Variants in ABL1 observed in about 807,000 individuals in gnomAD.
ABL1 encodes ABL proto-oncogene 1, non-receptor tyrosine kinase, also known as tyrosine-protein kinase ABL1.
Under a neutral mutation model 94.7 loss-of-function variants are expected in ABL1, and 11 were observed. The ratio of observed to expected loss-of-function variants is 0.12; its 90% CI spans 0.07 to 0.19. The LOEUF is 0.19. ABL1 is among the 10% of genes least tolerant of loss of function. ABL1 has a pLI of 1.00. For missense variants in ABL1, 1,082 were observed against 1,489.4 expected (o/e 0.73, Z 4.50); for synonymous variants, 656 against 622.4 (o/e 1.05, Z -0.80).
chr9:130,721,282 G>A (rs1831510671), intron 1 of ABL1, among the ~76,000 whole-genome samples: 1 of 151,694 alleles, frequency 6.6e-6, no homozygotes, highest in Admixed American at 6.6e-5. Context: ...GGAGGCTGAG[G>A]CAGAGGGATC....
intron 1 of ABL1, among the ~76,000 whole-genome samples, chr9:130,826,593 G>A (rs1034049008): frequency 6.6e-6 from 1 of 152,154 alleles, no homozygotes; most frequent in Non-Finnish European, 1.5e-5. Flanking sequence ...TTGCCTGTAA[G>A]AATCTGCGGA....
rs1588222197 is a variant in ABL1 at position 130,750,231 on chromosome 9, A to ATATCTATATC, written c.136+35779_136+35780insCTATATCTAT. ...TATATATATATATATATATATATATATATATCCAAGTATAAGTATATACTT... is the reference window on the plus strand; with the variant it reads ...TATATATATATATATATATATATATATATCTATATCTATATCCAAGTATAAGTATATACTT... On this transcript the variant is annotated intron_variant, in intron 1 of 10. Transcript: ENST00000372348. Among the ~76,000 whole-genome samples the ATATCTATATC allele has an allele frequency of 3.0e-5, 4 of 133,626 alleles. No homozygotes were observed. The East Asian group carries it at 8.4e-4, about 28-fold the overall frequency. 87.7% of individuals were successfully genotyped at this position (133,626 alleles called of 152,430 possible). A position where few individuals can be genotyped will look rare whatever the true frequency, so the allele number is the denominator to read the frequency against.
At chr9:130,824,324 C>T (rs1830399475) in intron 1 of ABL1, among the ~76,000 whole-genome samples, 1 of 152,144 alleles carries the variant, frequency 6.6e-6, no homozygotes, top group Admixed American at 6.5e-5. Flanking sequence ...CTCAAGCAGG[C>T]AGAGGGAGGG....
Position 130,884,882 on chromosome 9 carries a change from C to T in ABL1, c.2592C>T (p.Gly864=). Residue 864 remains glycine, a synonymous_variant, in exon 11 of 11, where the codon GGC becomes GGT. Transcript: ENST00000318560. This position sits in a 1 kb window ranked among gnomAD's most constrained non-coding sequence, Gnocchi z 5.6. ...TSKAGSGAPG[G]TSKGPAEESR... Reference sequence around the variant, plus strand: ...AAGCAGGCTCAGGTGCACCAGGGGGCACCAGCAAGGGCCCCGCCGAGGAGT... The same window carrying T: ...AAGCAGGCTCAGGTGCACCAGGGGGTACCAGCAAGGGCCCCGCCGAGGAGT... 1 of 1,608,332 alleles carries T rather than the reference C, an allele frequency of 6.2e-7. No individual in the cohort carries two copies. Among genetic ancestry groups the T allele is most frequent in the African/African-American group, 1.3e-5 (1 of 74,936 alleles).
intron 7 of ABL1, among the ~76,000 whole-genome samples, 188 bp from the exon 8 acceptor site, chr9:130,878,227 A>C (rs1294699587): frequency 6.6e-6 from 1 of 152,192 alleles, no homozygotes; most frequent in Non-Finnish European, 1.5e-5. Flanking sequence ...CTGGGATTAC[A>C]GGCGTGAGCC....
intron 1 of ABL1, among the ~76,000 whole-genome samples, chr9:130,837,342 G>A (rs1159690999): frequency 2.6e-5 from 4 of 152,214 alleles, no homozygotes; most frequent in African/African-American, 4.8e-5. Context: ...GCAGATGGGT[G>A]CCTAAGGCGG....
At chr9:130,753,181 C>G (rs796284520) in intron 1 of ABL1, among the ~76,000 whole-genome samples, 55 of 151,794 alleles carry the variant, frequency 3.6e-4, no homozygotes, top group African/African-American at 1.3e-3. Context: ...GGCGTGAACC[C>G]GGGAGGCAGA....
chr9:130,841,297 G>A (rs774302366), intron 1 of ABL1, among the ~76,000 whole-genome samples: 10 of 151,598 alleles, frequency 6.6e-5, no homozygotes, highest in Non-Finnish European at 1.3e-4. Flanking sequence ...ACAGGCGCCC[G>A]GGGGTTTCAC....
intron 1 of ABL1, among the ~76,000 whole-genome samples, chr9:130,791,650 T>C (rs1297817271): frequency 6.6e-6 from 1 of 152,140 alleles, no homozygotes; most frequent in Non-Finnish European, 1.5e-5. Context: ...CTCCTGCCCG[T>C]CCACATAAGA....
At chr9:130,741,637 A>G (rs1831820627) in intron 1 of ABL1, among the ~76,000 whole-genome samples, 1 of 151,248 alleles carries the variant, frequency 6.6e-6, no homozygotes, top group Non-Finnish European at 1.5e-5. Context: ...CAGTTACTGC[A>G]CTGATAATAC....
chr9:130,785,146 C>T (rs771267894), intron 1 of ABL1, among the ~76,000 whole-genome samples: 9 of 152,196 alleles, frequency 5.9e-5, no homozygotes, highest in Non-Finnish European at 1.0e-4. Flanking sequence ...TAGGCTTTGT[C>T]AACAGAGTGC....
intron 10 of ABL1, among the ~76,000 whole-genome samples, chr9:130,882,116 T>C (rs1041650051): frequency 2.6e-5 from 4 of 152,282 alleles, no homozygotes; most frequent in South Asian, 2.1e-4. Context: ...CCTCCTCTTA[T>C]CGGTTTTCCT....
intron 1 of ABL1, among the ~76,000 whole-genome samples, chr9:130,737,248 A>C (rs145038018): frequency 0.023 from 3,513 of 152,174 alleles, 152 homozygotes; most frequent in African/African-American, 0.078. Flanking sequence ...CAGTTTTAAA[A>C]TTTAAAAAAA....
chr9:130,754,353 A>C (rs914600488), intron 1 of ABL1, among the ~76,000 whole-genome samples: 2 of 150,940 alleles, frequency 1.3e-5, no homozygotes, highest in Admixed American at 1.3e-4. Context: ...CTAAAAATAC[A>C]AAAAATTAGC....
chr9:130,719,359 T>A (rs1258570995), intron 1 of ABL1, among the ~76,000 whole-genome samples: 1 of 152,056 alleles, frequency 6.6e-6, no homozygotes, highest in African/African-American at 2.4e-5. Context: ...TAAAACCCTG[T>A]CTCTACTAAA....
At chr9:130,792,594 G>T (rs949009473) in intron 1 of ABL1, among the ~76,000 whole-genome samples, 20 of 152,140 alleles carry the variant, frequency 1.3e-4, no homozygotes, top group Non-Finnish European at 2.6e-4. Context: ...TTGGGGGAGG[G>T]TATAAGAGGG....
rs376984702 is a variant in ABL1 at position 130,788,556 on chromosome 9, TA to T, written c.137-65506del. Among the ~76,000 whole-genome samples, 45 of 152,334 alleles carry T rather than the reference TA, an allele frequency of 3.0e-4. No homozygotes were observed. The East Asian group carries it at 5.0e-3, about 17-fold the overall frequency. ...ATTCCAATTTCCTCAATTCTCCCAG[TA>T]ATGTCCTTTCTAGCAATTACCCCCT... On this transcript the variant is annotated intron_variant, in intron 1 of 10. Transcript: ENST00000372348.
intron 1 of ABL1, among the ~76,000 whole-genome samples, chr9:130,764,439 T>C (rs377111817): frequency 2.6e-5 from 4 of 152,294 alleles, no homozygotes; most frequent in South Asian, 2.1e-4. Flanking sequence ...CCCGCTTCCA[T>C]TGGGGGACTG....
At chr9:130,798,163 A>G (rs1830005146) in intron 1 of ABL1, among the ~76,000 whole-genome samples, 1 of 152,206 alleles carries the variant, frequency 6.6e-6, no homozygotes, top group Non-Finnish European at 1.5e-5. Context: ...TCACTTCACT[A>G]TTAAGTTTGT....
Sources: allele counts gnomAD v4.1 joint callset (sites outside exome capture counted in the v4.1 genomes callset), GRCh38; gene constraint gnomAD v4.1.1; non-coding constraint Gnocchi (gnomAD v3.1); transcripts MANE v1.5; gene names NCBI Gene and HGNC (gene_info 2026-07-23, HGNC 2026-07-21).